CDH23: variants seen among roughly 807,000 people sequenced by gnomAD.
CDH23 encodes cadherin related 23.
A neutral mutation model predicts 317.1 loss-of-function variants in CDH23; 189 were observed. That is an observed-to-expected ratio of 0.60 (90% confidence interval 0.53 to 0.67). The LOEUF is 0.67. Among genes scored for constraint, CDH23 ranks in the 30% least tolerant of loss-of-function variants. The pLI is 0.00. For missense variants in CDH23, 4,401 were observed against 4,592.4 expected (o/e 0.96, Z 1.20); for synonymous variants, 1,839 against 1,876.8 (o/e 0.98, Z 0.52).
intron 32 of CDH23, chr10:71,732,618 G>A (rs557089358): frequency 3.6e-6 from 5 of 1,403,186 alleles, no homozygotes; most frequent in Non-Finnish European, 4.6e-6. Context: ...GGGCAACAGA[G>A]TGAGACCTTG....
chr10:71,467,863 G>A (rs563533477), intron 3 of CDH23, among the ~76,000 whole-genome samples: 2 of 152,300 alleles, frequency 1.3e-5, no homozygotes, highest in African/African-American at 2.4e-5. Context: ...AAGCTAGAAT[G>A]AGAACCCAGG....
chr10:71,751,070 G>T lies in CDH23; in HGVS notation c.4845+9149G>T. 2 of 691,874 alleles carry T rather than the reference G, an allele frequency of 2.9e-6. No homozygotes were observed. Among genetic ancestry groups the T allele is most frequent in the Non-Finnish European group, 4.7e-6 (2 of 421,938 alleles). 42.9% of individuals were successfully genotyped at this position (691,874 alleles called of 1,614,324 possible). On this transcript the variant is annotated intron_variant, in intron 38 of 69. Coordinates refer to ENST00000224721, the MANE Select transcript of CDH23 (RefSeq NM_022124.6). The surrounding 1 kb of genome is among the most constrained non-coding windows in gnomAD (Gnocchi z 4.9). ...CTTGGAACAGGGGCTGAGCCGTCCA[G>T]CATCCCCATGTAGCATCCAGAGGGG...
At chr10:71,794,439 C>T (rs1841350243) in intron 48 of CDH23, 1 of 152,230 alleles carries the variant, frequency 6.6e-6, no homozygotes, top group African/African-American at 2.4e-5. Context: ...ACCAAGAGAA[C>T]CATGGCTTAT....
At chr10:71,645,415 C>T (rs1862788630) in intron 12 of CDH23, among the ~76,000 whole-genome samples, 1 of 152,238 alleles carries the variant, frequency 6.6e-6, no homozygotes, top group Non-Finnish European at 1.5e-5. Flanking sequence ...CCTGTCATGG[C>T]CGCTTAACTG....
intron 3 of CDH23, among the ~76,000 whole-genome samples, chr10:71,500,507 G>A (rs535267359): frequency 6.6e-6 from 1 of 152,238 alleles, no homozygotes; most frequent in Non-Finnish European, 1.5e-5. Context: ...GAAAGCCAGG[G>A]TGCTAGAGGG....
intron 9 of CDH23, among the ~76,000 whole-genome samples, chr10:71,615,131 G>A (rs374790060): frequency 5.3e-5 from 8 of 152,230 alleles, no homozygotes; most frequent in African/African-American, 2.4e-5. Context: ...CCTGGCTGGC[G>A]TCCACTCCCT....
chr10:71,448,258 G>A (rs572483237), intron 3 of CDH23, among the ~76,000 whole-genome samples: 95 of 152,258 alleles, frequency 6.2e-4, no homozygotes, highest in Non-Finnish European at 1.1e-3. Flanking sequence ...GGAAGCCCAT[G>A]TGGCCAGCCC....
Position 71,730,623 on chromosome 10 carries a change from A to G in CDH23, c.3715+19A>G. The G allele has an allele frequency of 6.2e-7, 1 of 1,613,198 alleles. No individual in the cohort carries two copies. Among genetic ancestry groups the G allele is most frequent in the Non-Finnish European group, 8.5e-7 (1 of 1,179,810 alleles). On this transcript the variant is annotated intron_variant, in intron 31 of 69. Coordinates refer to ENST00000224721, the MANE Select transcript of CDH23 (RefSeq NM_022124.6). ...GACTCTGGTGAGGCTGGCAGGAGGAAGCCGGGGATCCCATTGCTCAGAGCA... is the reference window on the plus strand; with the variant it reads ...GACTCTGGTGAGGCTGGCAGGAGGAGGCCGGGGATCCCATTGCTCAGAGCA...
At chr10:71,519,254 A>G (rs1854520293) in intron 6 of CDH23, among the ~76,000 whole-genome samples, 1 of 152,190 alleles carries the variant, frequency 6.6e-6, no homozygotes, top group African/African-American at 2.4e-5. Flanking sequence ...CTTTAAATAA[A>G]GAACCTCTAA....
chr10:71,682,587 C>T lies in CDH23; in HGVS notation c.1986+15C>T, dbSNP rs1164879189. 6.2e-7 allele frequency: 1 copy of T among 1,611,970 alleles called. No homozygotes were observed. Among genetic ancestry groups the T allele is most frequent in the Non-Finnish European group, 8.5e-7 (1 of 1,179,052 alleles). On this transcript the variant is annotated intron_variant, in intron 18 of 69. Coordinates refer to ENST00000224721, the MANE Select transcript of CDH23 (RefSeq NM_022124.6). ...TCGAGGTGTTTGTAAGTACCCAGGG[C>T]CACTGGCCTTGCCCTGCTAGTGTAA... is the stretch of plus-strand genomic sequence containing the variant.
At chr10:71,754,933 A>G in intron 38 of CDH23, 1 of 383,194 alleles carries the variant, frequency 2.6e-6, no homozygotes, top group Non-Finnish European at 5.4e-6. Flanking sequence ...AGTTGTCTGT[A>G]AGACCCCTTC....
Position 71,471,164 on chromosome 10 carries a change from C to G in CDH23, c.145+24769C>G, listed in dbSNP as rs190342212. On this transcript the variant is annotated intron_variant, in intron 3 of 69. Transcript: ENST00000224721. ...CGGGTCTTTCAGCCAAGCTCATGCA[C>G]TCGCCCACTCTTGACCGCAGTCCCT... 6.6e-3 allele frequency among the ~76,000 whole-genome samples: 980 copies of G among 148,916 alleles called. 14 individuals carry two copies. The highest frequency in any genetic ancestry group is 0.023 in the African/African-American group (931 of 41,284).
At chr10:71,474,169 C>T (rs1851665066) in intron 3 of CDH23, among the ~76,000 whole-genome samples, 1 of 152,202 alleles carries the variant, frequency 6.6e-6, no homozygotes, top group Admixed American at 6.5e-5. Context: ...CCACATGCCA[C>T]CAGGGCCAGC....
intron 14 of CDH23, among the ~76,000 whole-genome samples, chr10:71,655,267 C>T (rs536913498): frequency 6.6e-6 from 1 of 152,302 alleles, no homozygotes; most frequent in African/African-American, 2.4e-5. Flanking sequence ...GCCTCTGCAG[C>T]CTGGCCTTGA....
intron 6 of CDH23, among the ~76,000 whole-genome samples, chr10:71,513,225 A>G (rs1167311713): frequency 1.3e-5 from 2 of 152,110 alleles, no homozygotes; most frequent in Admixed American, 1.3e-4. Context: ...GGGGCTGCTC[A>G]GTGTGGCCAG....
chr10:71,760,311 A>G (rs1448571697), intron 38 of CDH23, among the ~76,000 whole-genome samples: 1 of 135,024 alleles, frequency 7.4e-6, no homozygotes, highest in East Asian at 2.1e-4. Flanking sequence ...GTATATACAC[A>G]CACATATATA....
At chr10:71,728,872 T>A (rs1311657537) in intron 30 of CDH23, among the ~76,000 whole-genome samples, 1 of 152,090 alleles carries the variant, frequency 6.6e-6, no homozygotes, top group Non-Finnish European at 1.5e-5. Flanking sequence ...CCCGGCTAAT[T>A]TTTTTTAGAG....
chr10:71,702,392 G>A (rs1162975597), intron 23 of CDH23, among the ~76,000 whole-genome samples, 157 bp from the exon 24 acceptor site: 1 of 152,172 alleles, frequency 6.6e-6, no homozygotes, highest in African/African-American at 2.4e-5. Context: ...AGGGAGCTGG[G>A]GAGGGGAGCT....
intron 38 of CDH23, among the ~76,000 whole-genome samples, chr10:71,776,901 G>T (rs183778060): frequency 6.6e-6 from 1 of 152,234 alleles, no homozygotes; most frequent in African/African-American, 2.4e-5. Flanking sequence ...AGTCCACAGG[G>T]GACATCTTCC....
Sources: gnomAD v4.1 joint callset for allele counts (sites outside exome capture counted in the v4.1 genomes callset) on GRCh38, gnomAD v4.1.1 for gene constraint, Gnocchi (gnomAD v3.1) non-coding constraint, MANE v1.5 for transcripts, NCBI Gene and HGNC (gene_info 2026-07-23, HGNC 2026-07-21) for gene names.